SNW1: variants seen among roughly 807,000 people sequenced by gnomAD.
SNW1 encodes the protein SNW domain containing 1, also known as SNW domain-containing protein 1.
A neutral mutation model predicts 75.6 loss-of-function variants in SNW1; 9 were observed. That is an observed-to-expected ratio of 0.12 (90% CI 0.07 to 0.21). SNW1 has a LOEUF of 0.21. SNW1 is among the 10% of genes least tolerant of loss of function. The pLI is 1.00. For missense variants in SNW1, 409 were observed against 670.9 expected (o/e 0.61, Z 4.31); for synonymous variants, 200 against 219.1 (o/e 0.91, Z 0.77).
intron 3 of SNW1, among the ~76,000 whole-genome samples, chr14:77,751,067 CT>C (rs1438398939): frequency 6.6e-6 from 1 of 151,990 alleles, no homozygotes; most frequent in African/African-American, 2.4e-5. Context: ...TTAAAATGTA[CT>C]TTTTTCCCCC....
intron 2 of SNW1, among the ~76,000 whole-genome samples, chr14:77,751,841 CACA>C (rs1566836204): frequency 8.3e-5 from 10 of 120,910 alleles, no homozygotes; most frequent in Admixed American, 6.4e-4. Context: ...CACACACACA[CACA>C]CCACACACAC....
At chr14:77,753,146 C>A (rs2080820846) in intron 2 of SNW1, among the ~76,000 whole-genome samples, 1 of 152,168 alleles carries the variant, frequency 6.6e-6, no homozygotes, top group Admixed American at 6.5e-5. Flanking sequence ...CATAGCATTT[C>A]CAGATTAGCT....
At chr14:77,737,991 C>CAAAAAAAAAAAAAAAA (rs35896717) in intron 5 of SNW1, among the ~76,000 whole-genome samples, 1 of 74,164 alleles carries the variant, frequency 1.3e-5, no homozygotes, top group Non-Finnish European at 2.4e-5. Flanking sequence ...GACTCCATCT[C>CAAAAAAAAAAAAAAAA]AAAAAAAAAA....
At chr14:77,741,990 C>G (rs1348300468) in intron 3 of SNW1, among the ~76,000 whole-genome samples, 3 of 151,986 alleles carry the variant, frequency 2.0e-5, no homozygotes, top group Non-Finnish European at 4.4e-5. Flanking sequence ...TGAAGGACAT[C>G]TGAAGAGCAA....
At chr14:77,746,244 T>C (rs368936070) in intron 3 of SNW1, among the ~76,000 whole-genome samples, 3 of 152,354 alleles carry the variant, frequency 2.0e-5, no homozygotes, top group Admixed American at 2.0e-4. Context: ...CTTGCGTGTA[T>C]GTGTATATAC....
chr14:77,760,646 T>C, intron 1 of SNW1: 3 of 702,380 alleles, frequency 4.3e-6, no homozygotes, highest in African/African-American at 1.7e-5. Context: ...CGGGCCTCTT[T>C]TTTCAGGAAT....
intron 12 of SNW1, among the ~76,000 whole-genome samples, chr14:77,718,809 CCA>C (rs1305880411): frequency 6.6e-6 from 1 of 151,886 alleles, no homozygotes; most frequent in East Asian, 1.9e-4. Flanking sequence ...CCTCCCAGTT[CCA>C]GTGATCCTCC....
chr14:77,757,949 TC>T (rs765498682), intron 1 of SNW1, among the ~76,000 whole-genome samples: 4,191 of 134,788 alleles, frequency 0.031, 75 homozygotes, highest in South Asian at 0.059. Flanking sequence ...TATCTATCTA[TC>T]TATCGCAATC....
chr14:77,746,852 A>C (rs146329895), intron 3 of SNW1, among the ~76,000 whole-genome samples: 15 of 152,308 alleles, frequency 9.8e-5, no homozygotes, highest in African/African-American at 3.4e-4. Flanking sequence ...GAGGATATAC[A>C]TAAATATCTA....
At chr14:77,745,646 G>C (rs916898541) in intron 3 of SNW1, among the ~76,000 whole-genome samples, 3 of 152,176 alleles carry the variant, frequency 2.0e-5, no homozygotes, top group Non-Finnish European at 2.9e-5. Context: ...GGCTGAGGTC[G>C]CAGTGAGCTG....
chr14:77,758,159 G>C (rs904156426), intron 1 of SNW1, among the ~76,000 whole-genome samples: 1 of 151,866 alleles, frequency 6.6e-6, no homozygotes, highest in Non-Finnish European at 1.5e-5. Flanking sequence ...GTGAAACCCT[G>C]TCTCTATTAA....
intron 1 of SNW1, among the ~76,000 whole-genome samples, chr14:77,760,471 C>T (rs1162159310): frequency 6.6e-6 from 1 of 152,158 alleles, no homozygotes; most frequent in Non-Finnish European, 1.5e-5. Flanking sequence ...TTCTTAAAGG[C>T]GGAGAGCACT....
chr14:77,751,814 A>G lies in SNW1; in HGVS notation c.169-334T>C, dbSNP rs200036225. Among the ~76,000 whole-genome samples, 656 of 83,510 alleles carry G rather than the reference A, an allele frequency of 7.9e-3. 3 individuals carry two copies. The highest frequency in any genetic ancestry group is 0.026 in the African/African-American group (624 of 24,036). 54.8% of individuals were successfully genotyped at this position (83,510 alleles called of 152,430 possible). The stretch of plus-strand genomic sequence containing the variant: ...AAAGCAGTCATGGGAAGACACACAC[A>G]CACACACACACACACACACACACAC... On this transcript the variant is annotated intron_variant, in intron 2 of 13. Transcript: ENST00000261531.
intron 10 of SNW1, 73 bp from the exon 11 acceptor site, chr14:77,723,350 T>C: frequency 6.4e-5 from 74 of 1,149,528 alleles, no homozygotes; most frequent in Non-Finnish European, 8.7e-5. Context: ...CGTGTGTATA[T>C]ATATAATTTT....
chr14:77,734,910 G>T (rs202082676), intron 8 of SNW1, 37 bp downstream of exon 8: 25 of 1,405,710 alleles, frequency 1.8e-5, no homozygotes, highest in Non-Finnish European at 2.4e-5. Context: ...TTTCCAGTAG[G>T]TTATACTAAT....
chr14:77,758,315 C>CAAAAAAAAAAAAAAA lies in SNW1; in HGVS notation c.14+2784_14+2798dup, dbSNP rs55707854. ...CCTGGGTGAGAGTGAGACTCTGCCACAAAAAAAAAAAAAAAAAAAAAGAAC... is the reference window on the plus strand; with the variant it reads ...CCTGGGTGAGAGTGAGACTCTGCCACAAAAAAAAAAAAAAAAAAAAAAAAAAAAAAAAAAAAGAAC... On this transcript the variant is annotated intron_variant, in intron 1 of 13. Coordinates refer to ENST00000261531, the MANE Select transcript of SNW1 (RefSeq NM_012245.3). Among the ~76,000 whole-genome samples the CAAAAAAAAAAAAAAA allele has an allele frequency of 2.7e-3, 229 of 85,810 alleles. 12 individuals carry two copies. Among genetic ancestry groups the CAAAAAAAAAAAAAAA allele is most frequent in the East Asian group, 4.4e-3 (11 of 2,506 alleles). 56.3% of individuals were successfully genotyped at this position (85,810 alleles called of 152,430 possible). A position where few individuals can be genotyped will look rare whatever the true frequency, so the allele number is the denominator to read the frequency against.
At chr14:77,735,675 T>G (rs2139908752) in intron 7 of SNW1, among the ~76,000 whole-genome samples, 1 of 152,320 alleles carries the variant, frequency 6.6e-6, no homozygotes, top group Middle Eastern at 3.4e-3. Flanking sequence ...AACCCATATA[T>G]TCACTTCCTA....
intron 5 of SNW1, among the ~76,000 whole-genome samples, chr14:77,738,309 A>C (rs1334768343): frequency 6.6e-6 from 1 of 151,214 alleles, no homozygotes; most frequent in Admixed American, 6.6e-5. Context: ...CCCCACCCCA[A>C]AAAAAAGCAT....
rs546147531 is a variant in SNW1, at chr14:77,721,361, A to G, written c.1131-533T>C. Among the ~76,000 whole-genome samples the G allele has an allele frequency of 2.6e-5, 4 of 152,234 alleles. No homozygotes were observed. In the South Asian group the frequency reaches 6.2e-4, roughly 24 times the overall value. On this transcript the variant is annotated intron_variant, in intron 11 of 13. Transcript: ENST00000261531. ...TCCTGGCTGTTGCATTATATATGCA[A>G]CCTACATCCCAATGAAACCATGGTA...
Sources: allele counts gnomAD v4.1 joint callset (sites outside exome capture counted in the v4.1 genomes callset), GRCh38; gene constraint gnomAD v4.1.1; transcripts MANE v1.5; gene names NCBI Gene and HGNC (gene_info 2026-07-23, HGNC 2026-07-21).